HDAC4: variants seen among roughly 807,000 people sequenced by gnomAD.
The protein encoded by HDAC4 is histone deacetylase 4, also known as histone deacetylase A.
HDAC4 carries 16 observed loss-of-function variants against 135.1 expected under a neutral mutation model. The observed-to-expected ratio is 0.12, with a 90% CI of 0.08 to 0.18. HDAC4 has a LOEUF of 0.18. HDAC4 is among the 10% of genes least tolerant of loss of function. The pLI is 1.00. For synonymous variants in HDAC4, 685 were observed against 653.4 expected, an observed-to-expected ratio of 1.05 and a Z score of -0.74; for missense variants, 1,143 against 1,511.8, an observed-to-expected ratio of 0.76 and a Z score of 4.05.
At chr2:239,260,982 GGGAGCGGCT>G (rs1179112647) in intron 2 of HDAC4, among the ~76,000 whole-genome samples, 8 of 152,138 alleles carry the variant, frequency 5.3e-5, no homozygotes, top group African/African-American at 1.9e-4. Flanking sequence ...AAGCCAGCCT[GGGAGCGGCT>G]GGAGCGGCAG....
Position 239,054,814 on chromosome 2 carries a change from T to C in HDAC4, c.3023A>G (p.Lys1008Arg). The part of the protein sequence containing the change: ...LGNELDPLPE[K>R]VLQQRPNANA... ...TGCATTGGGTCTTTGCTGTAAAACC[T>C]TTTCTGGGAGAGGATCAAGCTGGAA... Residue 1008 changes from lysine to arginine, a missense_variant, in exon 25 of 27, where the codon AAG becomes AGG. This residue lies in a region of HDAC4 where 131 missense variants were observed against 130.6 expected (regional missense o/e 1.00). Transcript: ENST00000543185. The C allele has an allele frequency of 6.2e-7, 1 of 1,611,332 alleles. No individual in the cohort carries two copies. Among genetic ancestry groups the C allele is most frequent in the Non-Finnish European group, 8.5e-7 (1 of 1,177,530 alleles).
At chr2:239,056,450 A>G (rs1460371803) in intron 24 of HDAC4, among the ~76,000 whole-genome samples, 1 of 152,250 alleles carries the variant, frequency 6.6e-6, no homozygotes, top group Non-Finnish European at 1.5e-5. Context: ...CAGGACATGC[A>G]GGGCCAGTCT....
chr2:239,086,626 G>A (rs1453201045), intron 19 of HDAC4, among the ~76,000 whole-genome samples: 1 of 152,212 alleles, frequency 6.6e-6, no homozygotes, highest in East Asian at 1.9e-4. Context: ...CTCCGTGGAC[G>A]CCTGACTTCC....
rs1266605169 is a variant in HDAC4, at chr2:239,349,729, G to A, written c.22+2949C>T. Among the ~76,000 whole-genome samples the A allele has an allele frequency of 2.0e-5, 3 of 152,250 alleles. No individual in the cohort carries two copies. The highest frequency in any genetic ancestry group is 1.9e-4 in the East Asian group (1 of 5,196). On this transcript the variant is annotated intron_variant, in intron 2 of 26. Coordinates refer to ENST00000543185, the MANE Select transcript of HDAC4 (RefSeq NM_001378414.1). This position sits in a 1 kb window ranked among gnomAD's most constrained non-coding sequence, Gnocchi z 5.7. ...CCTGCCTCCCAAGGGACCTCCGGGC[G>A]GAAGGGCAGACACGGCAGGGAAAGA...
At chr2:239,261,040 C>T (rs973923090) in intron 2 of HDAC4, among the ~76,000 whole-genome samples, 8 of 152,166 alleles carry the variant, frequency 5.3e-5, no homozygotes, top group African/African-American at 1.2e-4. Context: ...AAACTCGATG[C>T]GGCACTAAGG....
At chr2:239,183,664 G>A (rs189205897) in intron 4 of HDAC4, among the ~76,000 whole-genome samples, 1 of 152,314 alleles carries the variant, frequency 6.6e-6, no homozygotes, top group Admixed American at 6.5e-5. Flanking sequence ...TTCACCCAGA[G>A]GCACCACAGA....
At chr2:239,267,302 C>T (rs2049794400) in intron 2 of HDAC4, among the ~76,000 whole-genome samples, 1 of 152,216 alleles carries the variant, frequency 6.6e-6, no homozygotes, top group South Asian at 2.1e-4. Flanking sequence ...ATACCACACC[C>T]GTCCATATCA....
At chr2:239,066,306 G>C (rs546161907) in intron 24 of HDAC4, among the ~76,000 whole-genome samples, 3 of 152,182 alleles carry the variant, frequency 2.0e-5, no homozygotes, top group Non-Finnish European at 2.9e-5. Flanking sequence ...GCCCCAGCCT[G>C]CCTTGGGGCC....
chr2:239,161,643 C>T (rs1235880366), intron 6 of HDAC4, among the ~76,000 whole-genome samples: 3 of 152,144 alleles, frequency 2.0e-5, no homozygotes, highest in Non-Finnish European at 4.4e-5. Flanking sequence ...TCAAGTCCTT[C>T]CCCCTCCAGC....
intron 9 of HDAC4, among the ~76,000 whole-genome samples, chr2:239,135,498 T>C (rs999356506): frequency 4.6e-5 from 7 of 152,196 alleles, no homozygotes; most frequent in Admixed American, 2.0e-4. Context: ...GCAAACACTT[T>C]TGAAACATGG....
chr2:239,286,946 C>T (rs1007567002), intron 2 of HDAC4, among the ~76,000 whole-genome samples: 1 of 152,136 alleles, frequency 6.6e-6, no homozygotes, highest in Admixed American at 6.5e-5. Context: ...TAAAGCTACT[C>T]CTAAGGGGTA....
chr2:239,181,755 G>A (rs995705402), intron 4 of HDAC4, among the ~76,000 whole-genome samples: 8 of 152,138 alleles, frequency 5.3e-5, no homozygotes, highest in African/African-American at 1.4e-4. Flanking sequence ...TAACCTCTCC[G>A]TGCTGGGTTA....
chr2:239,139,800 C>T lies in HDAC4; in HGVS notation c.866-4G>A, dbSNP rs140724685. 3.1e-4 allele frequency: 501 copies of T among 1,611,060 alleles called. No homozygotes were observed. Among genetic ancestry groups the T allele is most frequent in the Non-Finnish European group, 4.0e-4 (468 of 1,179,188 alleles). On this transcript the variant is annotated splice_polypyrimidine_tract_variant and splice_region_variant and intron_variant, in intron 8 of 26. Coordinates refer to ENST00000543185, the MANE Select transcript of HDAC4 (RefSeq NM_001378414.1). The surrounding 1 kb of genome is among the most constrained non-coding windows in gnomAD (Gnocchi z 5.3). ...GGGGCGCTGCTGCACGCGGAGTCTG[C>T]GGAGGCAGAAATACCCTGGTGAGTG... is the stretch of plus-strand genomic sequence containing the variant.
intron 1 of HDAC4, among the ~76,000 whole-genome samples, chr2:239,374,879 G>A (rs926411367): frequency 1.3e-5 from 2 of 152,306 alleles, no homozygotes; most frequent in Non-Finnish European, 2.9e-5. Flanking sequence ...GGCCCACCCT[G>A]GCGGTACGTG....
rs1575654822 is a variant in HDAC4, at chr2:239,303,016, A to G, written c.22+49662T>C. Reference sequence around the variant, plus strand: ...CACTCTGCATGCTGGGCTGGGCGTCACCCCTGCCACCTCGGGAGTCCTCAA... The same window carrying G: ...CACTCTGCATGCTGGGCTGGGCGTCGCCCCTGCCACCTCGGGAGTCCTCAA... On this transcript the variant is annotated intron_variant, in intron 2 of 26. Coordinates refer to ENST00000543185, the MANE Select transcript of HDAC4 (RefSeq NM_001378414.1). This position sits in a 1 kb window ranked among gnomAD's most constrained non-coding sequence, Gnocchi z 5.1. Among the ~76,000 whole-genome samples the G allele has an allele frequency of 6.6e-6, 1 of 152,006 alleles. No homozygotes were observed. The highest frequency in any genetic ancestry group is 2.1e-4 in the South Asian group (1 of 4,812).
intron 1 of HDAC4, among the ~76,000 whole-genome samples, chr2:239,368,574 T>TA (rs1694386523): frequency 6.6e-6 from 1 of 151,450 alleles, no homozygotes; most frequent in African/African-American, 2.4e-5. Flanking sequence ...AACAGGGGGG[T>TA]ACAAGTGAAG....
intron 2 of HDAC4, among the ~76,000 whole-genome samples, chr2:239,325,185 G>T (rs1031088511): frequency 2.0e-5 from 3 of 152,194 alleles, no homozygotes; most frequent in Admixed American, 1.3e-4. Context: ...GGATTTGGCA[G>T]TGGCTTCTTA....
At chr2:239,185,385 G>A (rs564482842) in intron 4 of HDAC4, among the ~76,000 whole-genome samples, 2 of 151,818 alleles carry the variant, frequency 1.3e-5, no homozygotes, top group East Asian at 2.0e-4. Context: ...CCTGCAGGGG[G>A]TGCCCCACGC....
intron 3 of HDAC4, among the ~76,000 whole-genome samples, chr2:239,208,326 C>CAAAAAA (rs759398313): frequency 4.4e-5 from 3 of 68,204 alleles, no homozygotes; most frequent in African/African-American, 1.0e-4. Flanking sequence ...GACTCCGTCC[C>CAAAAAA]AAAAAAAAAA....
Sources: allele counts gnomAD v4.1 joint callset (sites outside exome capture counted in the v4.1 genomes callset), GRCh38; gene constraint gnomAD v4.1.1; regional missense constraint gnomAD v4.1.1; non-coding constraint Gnocchi (gnomAD v3.1); transcripts MANE v1.5; gene names NCBI Gene and HGNC (gene_info 2026-07-23, HGNC 2026-07-21).